Variants in MID1 observed in about 807,000 individuals in gnomAD.
The protein encoded by MID1 is midline 1.
A neutral mutation model predicts 40.4 loss-of-function variants in MID1; 7 were observed. That is an observed-to-expected ratio of 0.17 (90% confidence interval 0.10 to 0.33). The LOEUF (loss-of-function observed/expected upper bound fraction) is 0.33. Ranked by LOEUF, MID1 falls within the 10% of genes least tolerant of loss-of-function variation. The pLI is 1.00. For missense variants in MID1, 367 were observed against 558.5 expected (o/e 0.66, Z 3.46); for synonymous variants, 229 against 221.2 (o/e 1.04, Z -0.31).
chrX:10,490,737 T>C (rs773444251), intron 4 of MID1, among the ~76,000 whole-genome samples: 1 of 112,203 alleles, frequency 8.9e-6, no homozygotes, highest in Non-Finnish European at 1.9e-5. Context: ...TGAAGTAGTT[T>C]ATATGAGAAT....
At chrX:10,570,041 C>A (rs189783902) in intron 1 of MID1, among the ~76,000 whole-genome samples, 1 of 112,258 alleles carries the variant, frequency 8.9e-6, no homozygotes, top group Non-Finnish European at 1.9e-5. Context: ...ACAGAACATG[C>A]ATCTCCTTTT....
intron 1 of MID1, among the ~76,000 whole-genome samples, chrX:10,711,994 G>A (rs375564179): frequency 1.1e-4 from 12 of 111,910 alleles, no homozygotes; most frequent in African/African-American, 1.9e-4. Context: ...AAGAATTACC[G>A]GCCCCAATTA....
chrX:10,509,460 G>A (rs1932005522), intron 3 of MID1, among the ~76,000 whole-genome samples: 1 of 111,529 alleles, frequency 9.0e-6, no homozygotes. Context: ...AGAATAAAAG[G>A]AAAGGTACAG....
intron 1 of MID1, among the ~76,000 whole-genome samples, chrX:10,830,105 C>G (rs1279828205): frequency 8.9e-6 from 1 of 112,283 alleles, no homozygotes; most frequent in Non-Finnish European, 1.9e-5. Flanking sequence ...TATAAGCACA[C>G]CAAGTTTATT....
chrX:10,464,009 C>T (rs1415976651), intron 7 of MID1, among the ~76,000 whole-genome samples: 1 of 112,150 alleles, frequency 8.9e-6, no homozygotes, highest in Non-Finnish European at 1.9e-5. Context: ...GGGAGGAACA[C>T]ATCCTGATAC....
chrX:10,548,458 C>T (rs1457657018), intron 2 of MID1, among the ~76,000 whole-genome samples: 1 of 112,107 alleles, frequency 8.9e-6, no homozygotes, highest in Non-Finnish European at 1.9e-5. Context: ...ATTGATTGAA[C>T]ACCATTTTAT....
chrX:10,663,209 C>A (rs1354346332), intron 1 of MID1, among the ~76,000 whole-genome samples: 1 of 110,936 alleles, frequency 9.0e-6, no homozygotes, highest in African/African-American at 3.3e-5. Flanking sequence ...TGTCCTACAA[C>A]CATCATCAAC....
chrX:10,500,939 G>A (rs1418042674), intron 3 of MID1, among the ~76,000 whole-genome samples: 1 of 111,884 alleles, frequency 8.9e-6, no homozygotes, highest in Non-Finnish European at 1.9e-5. Context: ...GTCCAGTGGT[G>A]GGTAATTACT....
At chrX:10,632,623 T>C (rs937271178) in intron 1 of MID1, among the ~76,000 whole-genome samples, 1 of 110,228 alleles carries the variant, frequency 9.1e-6, no homozygotes, top group East Asian at 2.9e-4. Flanking sequence ...GAGTTTCTGA[T>C]TCAGCAGTCT....
chrX:10,564,531 C>T lies in MID1; in HGVS notation c.660+2357G>A, dbSNP rs747812981. On this transcript the variant is annotated intron_variant, in intron 2 of 9. Transcript: ENST00000317552. ...GGATGCTGTTTATATGCTTATATTT[C>T]TGTAACTAGGAAATAAAAAGAAACC... is the stretch of plus-strand genomic sequence containing the variant. 6.3e-5 allele frequency among the ~76,000 whole-genome samples: 7 copies of T among 111,698 alleles called. No homozygotes were observed. The South Asian group carries it at 2.3e-3, about 36-fold the overall frequency.
At chrX:10,494,771 CAAAA>C (rs58092232) in intron 4 of MID1, among the ~76,000 whole-genome samples, 2,848 of 31,877 alleles carry the variant, frequency 0.089, 128 homozygotes, top group African/African-American at 0.22. Flanking sequence ...AAGACTGTCT[CAAAA>C]AAAAAAAAAA....
chrX:10,800,028 A>G (rs1012422223), intron 1 of MID1, among the ~76,000 whole-genome samples: 1 of 111,172 alleles, frequency 9.0e-6, no homozygotes, highest in African/African-American at 3.3e-5. Flanking sequence ...AGATATCTCC[A>G]AGATGGCACC....
intron 1 of MID1, among the ~76,000 whole-genome samples, chrX:10,693,645 G>T (rs1001772080): frequency 9.0e-6 from 1 of 111,455 alleles, no homozygotes; most frequent in Admixed American, 9.6e-5. Flanking sequence ...TCTATTTTTA[G>T]GATTAGACAT....
intron 1 of MID1, among the ~76,000 whole-genome samples, chrX:10,613,720 T>TAG (rs1935778825): frequency 1.6e-4 from 9 of 56,038 alleles, no homozygotes; most frequent in South Asian, 8.8e-4. Flanking sequence ...TATATATATA[T>TAG]ATATATATAT....
intron 1 of MID1, among the ~76,000 whole-genome samples, chrX:10,767,284 T>C (rs1455791200): frequency 9.0e-6 from 1 of 111,520 alleles, no homozygotes; most frequent in Non-Finnish European, 1.9e-5. Context: ...TAAATATTTG[T>C]CAAATGATTA....
intron 3 of MID1, among the ~76,000 whole-genome samples, chrX:10,518,846 T>C (rs146471775): frequency 0.03 from 3,327 of 112,013 alleles, 77 homozygotes; most frequent in African/African-American, 0.074. Context: ...TTATTCCTTG[T>C]AAATGCAAGT....
intron 9 of MID1, 83 bp from the exon 10 acceptor site, chrX:10,449,799 T>C: frequency 1.4e-6 from 1 of 697,057 alleles, no homozygotes; most frequent in Non-Finnish European, 2.3e-6. Flanking sequence ...CCTCAGGGGT[T>C]ATAAAAACAT....
chrX:10,504,818 G>A (rs375835581), intron 3 of MID1, among the ~76,000 whole-genome samples: 20 of 109,569 alleles, frequency 1.8e-4, no homozygotes, highest in African/African-American at 6.7e-4. Flanking sequence ...TGGGCCAGAC[G>A]GTCTCTGCTG....
chrX:10,714,782 C>A (rs1007571556), intron 1 of MID1, among the ~76,000 whole-genome samples: 1 of 111,043 alleles, frequency 9.0e-6, no homozygotes, highest in African/African-American at 3.3e-5. Context: ...ATCCAAGGAG[C>A]CTGCCAAAAT....
Sources: gnomAD v4.1 joint callset for allele counts (sites outside exome capture counted in the v4.1 genomes callset) on GRCh38, gnomAD v4.1.1 for gene constraint, MANE v1.5 for transcripts, NCBI Gene and HGNC (gene_info 2026-07-23, HGNC 2026-07-21) for gene names.